C8orf74: variants seen among roughly 807,000 people sequenced by gnomAD.
The protein encoded by C8orf74 is uncharacterized protein C8orf74.
In C8orf74, 29 loss-of-function variants were observed where a neutral mutation model predicts 22.2. The ratio of observed to expected loss-of-function variants is 1.31; its 90% CI spans 0.97 to 1.78. C8orf74 has a LOEUF of 1.78. Among genes scored for constraint, C8orf74 ranks in the 40% most tolerant of loss-of-function variants. C8orf74 has a pLI of 0.00. For missense variants in C8orf74, 515 were observed against 369.9 expected, an observed-to-expected ratio of 1.39 and a Z score of -3.22; for synonymous variants, 255 against 163.1, an observed-to-expected ratio of 1.56 and a Z score of -4.30.
intron 2 of C8orf74, among the ~76,000 whole-genome samples, chr8:10,694,532 G>A (rs984078557): frequency 1.2e-4 from 19 of 152,306 alleles, no homozygotes; most frequent in African/African-American, 4.3e-4. Flanking sequence ...AAAGGAGCAG[G>A]TGGGGAATAA....
chr8:10,686,890 T>G (rs531383653), intron 2 of C8orf74, among the ~76,000 whole-genome samples: 12 of 152,206 alleles, frequency 7.9e-5, no homozygotes, highest in Non-Finnish European at 1.8e-4. Context: ...CCAGCTGTCC[T>G]GTCCCCTTCA....
chr8:10,673,431 AC>A (rs1798958728), intron 1 of C8orf74, among the ~76,000 whole-genome samples: 1 of 152,086 alleles, frequency 6.6e-6, no homozygotes. Context: ...CTGAATTTTC[AC>A]CAAGCAAGAC....
chr8:10,676,907 C>CA (rs1799044495), intron 2 of C8orf74, among the ~76,000 whole-genome samples: 1 of 152,208 alleles, frequency 6.6e-6, no homozygotes, highest in Non-Finnish European at 1.5e-5. Flanking sequence ...CGAACTCTTT[C>CA]AAGTCCCCAT....
At chr8:10,679,400 T>C (rs1799100656) in intron 2 of C8orf74, among the ~76,000 whole-genome samples, 1 of 152,128 alleles carries the variant, frequency 6.6e-6, no homozygotes, top group South Asian at 2.1e-4. Flanking sequence ...ATCACAGCCT[T>C]TCCTCCCTCG....
intron 2 of C8orf74, chr8:10,688,634 A>C (rs1033343998): frequency 6.6e-6 from 1 of 152,314 alleles, no homozygotes. Flanking sequence ...TTGGTGCCCA[A>C]GTCACAGGGC....
At chr8:10,692,381 G>A (rs1054241527) in intron 2 of C8orf74, 12 of 152,484 alleles carry the variant, frequency 7.9e-5, no homozygotes, top group African/African-American at 2.6e-4. Flanking sequence ...CCTACCTGCT[G>A]GAAACCCTTC....
Position 10,700,361 on chromosome 8 carries a change from C to T in C8orf74, c.775C>T (p.Leu259Phe). Residue 259 changes from leucine to phenylalanine, a missense_variant, in exon 4 of 4, where the codon CTC becomes TTC. By Grantham distance (22) the Leu-to-Phe change is conservative. Transcript: ENST00000304519. The part of the protein sequence containing the change: ...DLKLQKKTLN[L>F]NAPTPIPPPI... ...GAAGCTTCAGAAGAAGACTCTGAAC[C>T]TCAACGCCCCCACCCCTATCCCGCC... is the stretch of plus-strand genomic sequence containing the variant. The T allele has an allele frequency of 6.2e-7, 1 of 1,613,420 alleles. No homozygotes were observed. The highest frequency in any genetic ancestry group is 8.5e-7 in the Non-Finnish European group (1 of 1,179,430).
intron 2 of C8orf74, among the ~76,000 whole-genome samples, chr8:10,681,339 G>A (rs562905745): frequency 6.6e-6 from 1 of 152,262 alleles, no homozygotes; most frequent in South Asian, 2.1e-4. Context: ...ATCTCCCCCG[G>A]GTCAAGGGTG....
chr8:10,689,529 A>G (rs759250552), intron 2 of C8orf74: 17 of 152,194 alleles, frequency 1.1e-4, no homozygotes, highest in Admixed American at 2.6e-4. Context: ...GCTGTGAAAC[A>G]TTCATTTTGA....
At chr8:10,699,889 CT>C (rs1331305849) in intron 3 of C8orf74, among the ~76,000 whole-genome samples, 1 of 152,220 alleles carries the variant, frequency 6.6e-6, no homozygotes, top group Admixed American at 6.5e-5. Flanking sequence ...CTGGCCGTCA[CT>C]CTAGGCAAGA....
At chr8:10,675,239 G>A (rs1256949650) in intron 2 of C8orf74, among the ~76,000 whole-genome samples, 1 of 152,232 alleles carries the variant, frequency 6.6e-6, no homozygotes, top group East Asian at 1.9e-4. Flanking sequence ...TGCCGGGGGA[G>A]TCCTGGAGCT....
chr8:10,690,644 C>G (rs571228313), intron 2 of C8orf74, among the ~76,000 whole-genome samples: 1 of 152,270 alleles, frequency 6.6e-6, no homozygotes. Flanking sequence ...CCAGAAGGAG[C>G]AGCCTTCCCC....
At chr8:10,678,815 G>T (rs939575955) in intron 2 of C8orf74, among the ~76,000 whole-genome samples, 45 of 152,268 alleles carry the variant, frequency 3.0e-4, no homozygotes, top group Non-Finnish European at 3.4e-4. Context: ...CAGGCCTCCT[G>T]CACCTCGGCT....
intron 2 of C8orf74, chr8:10,679,862 T>C (rs1297728421): frequency 6.5e-6 from 1 of 152,776 alleles, no homozygotes; most frequent in Non-Finnish European, 1.5e-5. Context: ...ATGCCCTGCT[T>C]CACCAGGCCG....
chr8:10,698,499 G>C (rs1000309186), intron 3 of C8orf74, among the ~76,000 whole-genome samples: 14 of 152,124 alleles, frequency 9.2e-5, no homozygotes, highest in African/African-American at 3.4e-4. Flanking sequence ...CTGGGGCCCA[G>C]GGAGGACTTA....
chr8:10,697,427 G>GTC (rs1323344536), intron 2 of C8orf74, among the ~76,000 whole-genome samples, 172 bp from the exon 3 acceptor site: 3 of 152,088 alleles, frequency 2.0e-5, no homozygotes, highest in Non-Finnish European at 4.4e-5. Flanking sequence ...CTCCAGCCTG[G>GTC]GTGAGAGTTA....
chr8:10,699,132 C>A (rs538204514), intron 3 of C8orf74, among the ~76,000 whole-genome samples: 180 of 152,328 alleles, frequency 1.2e-3, no homozygotes, highest in African/African-American at 4.1e-3. Context: ...CTCTAGCACA[C>A]GGAGCAGGGT....
At chr8:10,699,618 G>T (rs921197107) in intron 3 of C8orf74, among the ~76,000 whole-genome samples, 5 of 152,186 alleles carry the variant, frequency 3.3e-5, no homozygotes, top group African/African-American at 1.2e-4. Context: ...TGACCAACAG[G>T]GTTTCCTGTT....
rs139551432 is a variant in C8orf74 at position 10,681,788 on chromosome 8, G to C, written c.241+6950G>C. 3.2e-4 allele frequency among the ~76,000 whole-genome samples: 49 copies of C among 152,366 alleles called. 1 individual carries two copies. Among genetic ancestry groups the C allele is most frequent in the African/African-American group, 1.2e-3 (48 of 41,590 alleles). On this transcript the variant is annotated intron_variant, in intron 2 of 3. Transcript: ENST00000304519. Reference sequence around the variant, plus strand: ...GCCAGGCCCGCCAATCCCAGGCCTGGCAGGAGGCGGGACTTGTGACCGGTC... The same window carrying C: ...GCCAGGCCCGCCAATCCCAGGCCTGCCAGGAGGCGGGACTTGTGACCGGTC...
Sources: allele counts gnomAD v4.1 joint callset (sites outside exome capture counted in the v4.1 genomes callset), GRCh38; gene constraint gnomAD v4.1.1; transcripts MANE v1.5; gene names NCBI Gene and HGNC (gene_info 2026-07-23, HGNC 2026-07-21).